The following UNC13C variants were observed in gnomAD, a reference collection of about 807,000 sequenced individuals.
UNC13C encodes the protein protein unc-13 homolog C.
A neutral mutation model predicts 245.4 loss-of-function variants in UNC13C; 174 were observed. The observed-to-expected ratio is 0.71, with a 90% CI of 0.63 to 0.80. The LOEUF is 0.80. UNC13C is among the 30% of genes least tolerant of loss of function. The probability of loss-of-function intolerance (pLI) is 0.00; values close to 1 mark genes in which losing one functional copy is unlikely to be tolerated. For missense variants in UNC13C, 2,829 were observed against 2,602.9 expected (o/e 1.09, Z -1.89); for synonymous variants, 992 against 895.1 (o/e 1.11, Z -1.93).
At chr15:54,107,006 A>T (rs1439471354) in intron 2 of UNC13C, among the ~76,000 whole-genome samples, 1 of 152,226 alleles carries the variant, frequency 6.6e-6, no homozygotes, top group African/African-American at 2.4e-5. Context: ...AACATACATT[A>T]TCCAAATTAG....
intron 17 of UNC13C, among the ~76,000 whole-genome samples, chr15:54,350,171 T>C (rs1250870159): frequency 6.6e-6 from 1 of 152,142 alleles, no homozygotes; most frequent in Non-Finnish European, 1.5e-5. Context: ...TTTGTATTTT[T>C]AGTACTGACG....
chr15:54,357,448 A>G (rs1200282863), intron 17 of UNC13C, among the ~76,000 whole-genome samples: 2 of 152,026 alleles, frequency 1.3e-5, no homozygotes, highest in African/African-American at 4.8e-5. Context: ...AAATTTGAAA[A>G]TATTTGTTAA....
At chr15:54,072,065 A>T (rs1163894573) in intron 2 of UNC13C, among the ~76,000 whole-genome samples, 2 of 151,966 alleles carry the variant, frequency 1.3e-5, no homozygotes, top group Admixed American at 6.6e-5. Context: ...GCAGAATTTG[A>T]TCTTCTCCAT....
At chr15:54,122,902 A>T (rs1298331159) in intron 2 of UNC13C, among the ~76,000 whole-genome samples, 1 of 152,050 alleles carries the variant, frequency 6.6e-6, no homozygotes, top group Admixed American at 6.6e-5. Flanking sequence ...ATTATTAATA[A>T]AGCTGCTATG....
At chr15:54,004,031 CA>C (rs1466256510) in intron 1 of UNC13C, among the ~76,000 whole-genome samples, 1 of 151,936 alleles carries the variant, frequency 6.6e-6, no homozygotes, top group African/African-American at 2.4e-5. Flanking sequence ...ACAAACAAAA[CA>C]AACAAACAAA....
intron 17 of UNC13C, among the ~76,000 whole-genome samples, chr15:54,340,545 T>G (rs1317788355): frequency 2.6e-5 from 4 of 152,190 alleles, no homozygotes; most frequent in African/African-American, 9.6e-5. Context: ...AATAGGGTAT[T>G]CTTTCCCTAC....
chr15:54,253,451 G>A (rs569124594), intron 8 of UNC13C, among the ~76,000 whole-genome samples: 1 of 152,310 alleles, frequency 6.6e-6, no homozygotes, highest in East Asian at 1.9e-4. Context: ...GTAAGAAGGA[G>A]ACCAAATGGA....
chr15:54,041,033 C>A (rs60949036), intron 2 of UNC13C, among the ~76,000 whole-genome samples: 1 of 152,200 alleles, frequency 6.6e-6, no homozygotes, highest in African/African-American at 2.4e-5. Context: ...ACTTAATATA[C>A]TCATTGTTTA....
the UNC13C span, among the ~76,000 whole-genome samples, chr15:53,923,836 A>T: frequency 1.3e-5 from 2 of 152,224 alleles, no homozygotes; most frequent in African/African-American, 4.8e-5. Flanking sequence ...GCTAGAGTTA[A>T]TTCACCGCAG....
chr15:54,337,570 T>A (rs972172501), intron 16 of UNC13C, among the ~76,000 whole-genome samples: 2 of 152,132 alleles, frequency 1.3e-5, no homozygotes, highest in African/African-American at 4.8e-5. Flanking sequence ...TCCTGTTAGC[T>A]CTTTTTTTCT....
chr15:54,052,819 G>T (rs1009832783), intron 2 of UNC13C, among the ~76,000 whole-genome samples: 1 of 152,102 alleles, frequency 6.6e-6, no homozygotes, highest in Non-Finnish European at 1.5e-5. Context: ...CTTTAATATA[G>T]TTGTTAATTT....
At chr15:54,081,693 T>C (rs1286927088) in intron 2 of UNC13C, among the ~76,000 whole-genome samples, 2 of 152,048 alleles carry the variant, frequency 1.3e-5, no homozygotes, top group African/African-American at 4.8e-5. Context: ...TTACACATAA[T>C]ATGGGACTCT....
the UNC13C span, among the ~76,000 whole-genome samples, chr15:53,880,468 A>G: frequency 6.6e-6 from 1 of 152,190 alleles, no homozygotes; most frequent in Non-Finnish European, 1.5e-5. Context: ...GTTTTCAAAG[A>G]GCACTGTGTG....
chr15:54,473,133 C>T lies in UNC13C; in HGVS notation c.4934-21475C>T, dbSNP rs561163292. 1.4e-3 allele frequency among the ~76,000 whole-genome samples: 214 copies of T among 151,786 alleles called. 1 individual carries two copies. Among genetic ancestry groups the T allele is most frequent in the Non-Finnish European group, 2.3e-3 (153 of 67,838 alleles). On this transcript the variant is annotated intron_variant, in intron 19 of 32. Coordinates refer to ENST00000260323, the MANE Select transcript of UNC13C (RefSeq NM_001080534.3). ...TGTGGTATTTGGTTTTCTGTTCCTT[C>T]GTTAACTTGCTTAGGATAATGGCCT...
At chr15:54,114,250 A>G (rs1471926400) in intron 2 of UNC13C, among the ~76,000 whole-genome samples, 1 of 152,158 alleles carries the variant, frequency 6.6e-6, no homozygotes, top group Non-Finnish European at 1.5e-5. Flanking sequence ...TTTCATTGAC[A>G]CTTTTAATTA....
chr15:53,899,009 G>A, the UNC13C span, among the ~76,000 whole-genome samples: 1 of 148,834 alleles, frequency 6.7e-6, no homozygotes. Context: ...TGAGGGTTTT[G>A]TGCTTATCTC....
the UNC13C span, among the ~76,000 whole-genome samples, chr15:53,969,791 C>T: frequency 6.6e-6 from 1 of 151,574 alleles, no homozygotes; most frequent in Non-Finnish European, 1.5e-5. Context: ...AGTATATTGA[C>T]ATTGTTGTGG....
chr15:54,157,288 ACT>A (rs2032789816), intron 4 of UNC13C, among the ~76,000 whole-genome samples: 1 of 152,122 alleles, frequency 6.6e-6, no homozygotes, highest in Admixed American at 6.5e-5. Context: ...TTAAATCTTG[ACT>A]CTATTGCTTA....
At chr15:54,517,108 A>C (rs1210782858) in intron 24 of UNC13C, among the ~76,000 whole-genome samples, 1 of 152,136 alleles carries the variant, frequency 6.6e-6, no homozygotes, top group Admixed American at 6.5e-5. Flanking sequence ...GTTATAGTTA[A>C]CAGAGGCCAA....
Sources: gnomAD v4.1 joint callset for allele counts (sites outside exome capture counted in the v4.1 genomes callset) on GRCh38, gnomAD v4.1.1 for gene constraint, MANE v1.5 for transcripts, NCBI Gene and HGNC (gene_info 2026-07-23, HGNC 2026-07-21) for gene names.